NDC1: variants seen among roughly 807,000 people sequenced by gnomAD.
NDC1 encodes the protein NDC1 transmembrane nucleoporin.
Under a neutral mutation model 89.8 loss-of-function variants are expected in NDC1, and 24 were observed. The observed-to-expected ratio is 0.27, with a 90% CI of 0.19 to 0.38. The LOEUF is 0.38. Ranked by LOEUF, NDC1 falls within the 10% of genes least tolerant of loss-of-function variation. NDC1 has a pLI of 1.00. For synonymous variants in NDC1, 296 were observed against 284.8 expected, an observed-to-expected ratio of 1.04 and a Z score of -0.39; for missense variants, 728 against 797.6, an observed-to-expected ratio of 0.91 and a Z score of 1.05.
chr1:53,823,212 T>A (rs1648733015), intron 5 of NDC1, among the ~76,000 whole-genome samples: 1 of 152,120 alleles, frequency 6.6e-6, no homozygotes, highest in Admixed American at 6.5e-5. Flanking sequence ...GCAAAACACC[T>A]GCTCCAACCA....
rs199581345 is a variant in NDC1 at position 53,831,671 on chromosome 1, C to CA, written c.280+818dup. On this transcript the variant is annotated intron_variant, in intron 3 of 17. Coordinates refer to ENST00000371429, the MANE Select transcript of NDC1 (RefSeq NM_018087.5). ...CTGGCGACAGAGCGAGACTCTGTCTCAAAAAAAAAAAAGGAAAATGATGTT... is the reference window on the plus strand; with the variant it reads ...CTGGCGACAGAGCGAGACTCTGTCTCAAAAAAAAAAAAAGGAAAATGATGTT... Among the ~76,000 whole-genome samples, 907 of 104,928 alleles carry CA rather than the reference C, an allele frequency of 8.6e-3. 36 individuals carry two copies. In the East Asian group the frequency reaches 0.15, roughly 17 times the overall value. 68.8% of individuals were successfully genotyped at this position (104,928 alleles called of 152,430 possible). A position where few individuals can be genotyped will look rare whatever the true frequency, so the allele number is the denominator to read the frequency against.
Position 53,807,643 on chromosome 1 carries a change from T to G in NDC1, c.891+13A>C. ...CACAAAAGTATTAAGAAAAAATATT[T>G]TAAAAAACATACCTCTGTGGCATAG... On this transcript the variant is annotated intron_variant, in intron 8 of 17. Transcript: ENST00000371429. The G allele has an allele frequency of 6.3e-7, 1 of 1,586,096 alleles. No homozygotes were observed. Among genetic ancestry groups the G allele is most frequent in the South Asian group, 1.2e-5 (1 of 85,536 alleles).
intron 13 of NDC1, among the ~76,000 whole-genome samples, chr1:53,794,157 G>T (rs1212763436): frequency 2.0e-5 from 3 of 152,004 alleles, no homozygotes; most frequent in Non-Finnish European, 4.4e-5. Flanking sequence ...TGTATTTTTA[G>T]TAGAGATGGG....
Position 53,838,188 on chromosome 1 carries a change from G to A in NDC1, c.57+17C>T, listed in dbSNP as rs1649303014. ...CCCGACCCTGGCAGTGCGTGCCACA[G>A]TGCACGCCGCACTCACGCGCCACAG... On this transcript the variant is annotated intron_variant, in intron 1 of 17. Coordinates refer to ENST00000371429, the MANE Select transcript of NDC1 (RefSeq NM_018087.5). 1 of 1,532,428 alleles carries A rather than the reference G, an allele frequency of 6.5e-7. No homozygotes were observed. Among genetic ancestry groups the A allele is most frequent in the East Asian group, 2.4e-5 (1 of 40,818 alleles). 94.9% of individuals were successfully genotyped at this position (1,532,428 alleles called of 1,614,324 possible).
chr1:53,768,700 T>G (rs1336501079), intron 17 of NDC1, among the ~76,000 whole-genome samples: 1 of 152,220 alleles, frequency 6.6e-6, no homozygotes, highest in Non-Finnish European at 1.5e-5. Flanking sequence ...AGTTCTTGAA[T>G]AGGTCACCGC....
chr1:53,828,241 C>T (rs1648938937), intron 3 of NDC1, 68 bp from the exon 4 acceptor site: 1 of 1,359,844 alleles, frequency 7.4e-7, no homozygotes, highest in Admixed American at 1.9e-5. Flanking sequence ...TCTAAACTAT[C>T]CCCTCTCATC....
chr1:53,790,239 C>G (rs1647443578), intron 14 of NDC1, among the ~76,000 whole-genome samples: 1 of 151,714 alleles, frequency 6.6e-6, no homozygotes, highest in Non-Finnish European at 1.5e-5. Context: ...GTGGCACGTG[C>G]CTGTAGTCCC....
At chr1:53,807,831 T>C (rs757147289) in intron 7 of NDC1, 40 bp from the exon 8 acceptor site, 7 of 1,566,028 alleles carry the variant, frequency 4.5e-6, no homozygotes, top group Non-Finnish European at 6.0e-6. Flanking sequence ...CTAGGAAAAA[T>C]GCAATCTAAA....
At chr1:53,790,434 C>T (rs1265091766) in intron 14 of NDC1, among the ~76,000 whole-genome samples, 6 of 145,250 alleles carry the variant, frequency 4.1e-5, no homozygotes, top group East Asian at 2.1e-4. Flanking sequence ...TGGCTGGGCG[C>T]GGTGGCTCAC....
At chr1:53,794,931 C>A (rs188060592) in intron 13 of NDC1, among the ~76,000 whole-genome samples, 7 of 152,206 alleles carry the variant, frequency 4.6e-5, no homozygotes, top group Admixed American at 6.5e-5. Flanking sequence ...GCTATTGCCC[C>A]ATTTTTCTGT....
intron 6 of NDC1, among the ~76,000 whole-genome samples, chr1:53,816,991 G>A (rs1197727091): frequency 6.6e-6 from 1 of 152,128 alleles, no homozygotes; most frequent in Non-Finnish European, 1.5e-5. Context: ...TCAAAAAACA[G>A]TAGATGTTGG....
At chr1:53,814,381 A>AAAT (rs1557583761) in intron 6 of NDC1, among the ~76,000 whole-genome samples, 10 of 149,826 alleles carry the variant, frequency 6.7e-5, no homozygotes, top group Non-Finnish European at 1.0e-4. Flanking sequence ...AATAAATAAA[A>AAAT]AATAATTTTT....
intron 3 of NDC1, among the ~76,000 whole-genome samples, chr1:53,829,920 A>G (rs564340056): frequency 2.5e-4 from 38 of 152,326 alleles, no homozygotes; most frequent in Middle Eastern, 6.8e-3. Context: ...TGGGAGGCCA[A>G]GGTGGGCAGA....
At chr1:53,809,479 G>C (rs12562843) in intron 7 of NDC1, among the ~76,000 whole-genome samples, 17,802 of 152,058 alleles carry the variant, frequency 0.12, 1,173 homozygotes, top group Non-Finnish European at 0.15. Context: ...AACCTCCCAA[G>C]TAGCTGGGAC....
At chr1:53,832,134 T>A (rs1468141889) in intron 3 of NDC1, among the ~76,000 whole-genome samples, 1 of 152,120 alleles carries the variant, frequency 6.6e-6, no homozygotes, top group Non-Finnish European at 1.5e-5. Context: ...ACTACCACCA[T>A]CCAGCTCCCA....
chr1:53,808,419 C>T (rs906961812), intron 7 of NDC1, among the ~76,000 whole-genome samples: 3 of 152,212 alleles, frequency 2.0e-5, no homozygotes, highest in African/African-American at 4.8e-5. Context: ...AATCACTCCA[C>T]CTATCCCACC....
intron 6 of NDC1, among the ~76,000 whole-genome samples, chr1:53,810,253 A>C (rs1049573744): frequency 3.9e-5 from 6 of 152,236 alleles, no homozygotes; most frequent in African/African-American, 1.4e-4. Flanking sequence ...TTAAAAAATG[A>C]ATAGCTAAAA....
At chr1:53,803,023 CT>C (rs1308522983) in intron 10 of NDC1, among the ~76,000 whole-genome samples, 1 of 152,070 alleles carries the variant, frequency 6.6e-6, no homozygotes, top group African/African-American at 2.4e-5. Flanking sequence ...AGTAGACCAC[CT>C]AATTTTTAAG....
chr1:53,767,166 A>T lies in NDC1; in HGVS notation c.*804T>A, dbSNP rs958151090. 1 of 151,958 alleles carries T rather than the reference A, an allele frequency of 6.6e-6. No individual in the cohort carries two copies. Among genetic ancestry groups the T allele is most frequent in the African/African-American group, 2.4e-5 (1 of 41,372 alleles). The allele number at this position is 151,958 out of a possible 1,614,324, so 9.4% of individuals were successfully genotyped here. On this transcript the variant is annotated 3_prime_UTR_variant, in exon 18 of 18. Transcript: ENST00000371429. ...CAAACCTTTTTCTCTTGCTTGAAAA[A>T]CTCTGCAATCACTTAATGTTTTGCT... is the stretch of plus-strand genomic sequence containing the variant.
Sources: allele counts gnomAD v4.1 joint callset (sites outside exome capture counted in the v4.1 genomes callset), GRCh38; gene constraint gnomAD v4.1.1; transcripts MANE v1.5; gene names NCBI Gene and HGNC (gene_info 2026-07-23, HGNC 2026-07-21).